The following RAC2 variants were observed in gnomAD, a reference collection of about 807,000 sequenced individuals.
RAC2 encodes the protein Rac family small GTPase 2, also known as ras-related C3 botulinum toxin substrate 2.
A neutral mutation model predicts 24.0 loss-of-function variants in RAC2; 1 was observed. The ratio of observed to expected loss-of-function variants is 0.04; its 90% CI spans 0.01 to 0.20. RAC2 has a LOEUF of 0.20. RAC2 is among the 10% of genes least tolerant of loss of function. RAC2 has a pLI of 1.00. For missense variants in RAC2, 130 were observed against 259.1 expected, an observed-to-expected ratio of 0.50 and a Z score of 3.42; for synonymous variants, 114 against 106.8, an observed-to-expected ratio of 1.07 and a Z score of -0.41.
intron 2 of RAC2, among the ~76,000 whole-genome samples, chr22:37,237,321 G>A (rs1482121032): frequency 1.3e-5 from 2 of 152,110 alleles, no homozygotes; most frequent in African/African-American, 4.8e-5. Context: ...CATCAGCCAG[G>A]AGGGGAGGCC....
At chr22:37,229,622 T>C (rs1419689037) in intron 5 of RAC2, among the ~76,000 whole-genome samples, 1 of 152,144 alleles carries the variant, frequency 6.6e-6, no homozygotes, top group Non-Finnish European at 1.5e-5. Flanking sequence ...TCACTATCCC[T>C]GCCAGTCCCC....
chr22:37,240,133 G>A (rs1199220561), intron 2 of RAC2, among the ~76,000 whole-genome samples: 1 of 152,200 alleles, frequency 6.6e-6, no homozygotes, highest in African/African-American at 2.4e-5. Flanking sequence ...GCAGCAGAGA[G>A]AGCCCAGCCC....
chr22:37,225,464 G>A lies in RAC2; in HGVS notation c.*578C>T, dbSNP rs1280013423. The A allele has an allele frequency of 2.6e-5, 4 of 152,230 alleles. No individual in the cohort carries two copies. Among genetic ancestry groups the A allele is most frequent in the Non-Finnish European group, 5.9e-5 (4 of 68,060 alleles). 9.4% of individuals were successfully genotyped at this position (152,230 alleles called of 1,614,324 possible). A position where few individuals can be genotyped will look rare whatever the true frequency, so the allele number is the denominator to read the frequency against. On this transcript the variant is annotated 3_prime_UTR_variant, in exon 7 of 7. Transcript: ENST00000249071. ...TGAACCCAGATTTTCCATTGGCTGA[G>A]CAGATATCCCCAGAGGCGTAGAAAA...
At chr22:37,242,656 AC>A (rs1216161286) in intron 1 of RAC2, among the ~76,000 whole-genome samples, 1 of 152,166 alleles carries the variant, frequency 6.6e-6, no homozygotes, top group Non-Finnish European at 1.5e-5. Context: ...TGGAACGTTA[AC>A]CCTTGACTTC....
intron 2 of RAC2, among the ~76,000 whole-genome samples, 168 bp downstream of exon 2, chr22:37,241,419 C>A (rs550356688): frequency 6.6e-6 from 1 of 152,348 alleles, no homozygotes; most frequent in South Asian, 2.1e-4. Context: ...CCCAGCACCT[C>A]TCAGCGCCAG....
chr22:37,226,736 G>T lies in RAC2; in HGVS notation c.516C>A (p.Ala172=). 6.2e-7 allele frequency: 1 copy of T among 1,613,160 alleles called. No individual in the cohort carries two copies. Among genetic ancestry groups the T allele is most frequent in the Non-Finnish European group, 8.5e-7 (1 of 1,179,582 alleles). The change falls in exon 6 of 7, where the codon GCC becomes GCA. Residue 172 remains alanine, a synonymous_variant. Coordinates refer to ENST00000249071, the MANE Select transcript of RAC2 (RefSeq NM_002872.5). The part of the protein sequence containing the change: ...QRGLKTVFDE[A]IRAVLCPQPT... ...GCTGAGGGCACAGCACGGCCCGGAT[G>T]GCCTCGTCGAACACGGTTTTCAGGC...
At chr22:37,236,546 G>A (rs1927228040) in intron 2 of RAC2, among the ~76,000 whole-genome samples, 2 of 152,336 alleles carry the variant, frequency 1.3e-5, no homozygotes, top group Admixed American at 6.5e-5. Context: ...AAGCATCGCT[G>A]CTATTTCATG....
At position 37,226,957 on chromosome 22, in the gene RAC2, C is replaced by T. The variant is rs575519167; in HGVS notation, c.449-154G>A. ...CCATACACCCTCCCGTGCCATACAC[C>T]CCTCCCACGCCATACACCCCTCCCA... is the stretch of plus-strand genomic sequence containing the variant. On this transcript the variant is annotated intron_variant, in intron 5 of 6. Coordinates refer to ENST00000249071, the MANE Select transcript of RAC2 (RefSeq NM_002872.5). 2.9e-5 allele frequency among the ~76,000 whole-genome samples: 4 copies of T among 139,822 alleles called. No individual in the cohort carries two copies. In the East Asian group the frequency reaches 8.6e-4, roughly 30 times the overall value. The allele number at this position is 139,822 out of a possible 152,430, so 91.7% of individuals were successfully genotyped here. A position where few individuals can be genotyped will look rare whatever the true frequency, so the allele number is the denominator to read the frequency against.
chr22:37,236,929 G>A (rs1927242075), intron 2 of RAC2, among the ~76,000 whole-genome samples: 2 of 152,174 alleles, frequency 1.3e-5, no homozygotes, highest in Admixed American at 1.3e-4. Context: ...GGTGGCTCAC[G>A]CCTGTAATCC....
chr22:37,239,119 C>G (rs1224618405), intron 2 of RAC2, among the ~76,000 whole-genome samples: 10 of 152,132 alleles, frequency 6.6e-5, no homozygotes. Flanking sequence ...ACTATTTTAC[C>G]CTCCCTTCAC....
At chr22:37,229,186 G>A (rs1377026166) in intron 5 of RAC2, among the ~76,000 whole-genome samples, 1 of 152,184 alleles carries the variant, frequency 6.6e-6, no homozygotes, top group Non-Finnish European at 1.5e-5. Flanking sequence ...ACTTTAGTCA[G>A]TTCCCCCTCT....
intron 1 of RAC2, among the ~76,000 whole-genome samples, chr22:37,242,243 T>G (rs1927421356): frequency 6.6e-6 from 1 of 151,992 alleles, no homozygotes; most frequent in Non-Finnish European, 1.5e-5. Flanking sequence ...CCCTCTCACC[T>G]CCCCCGTGGA....
At chr22:37,235,759 C>T (rs1311847008) in intron 2 of RAC2, among the ~76,000 whole-genome samples, 1 of 152,236 alleles carries the variant, frequency 6.6e-6, no homozygotes, top group Non-Finnish European at 1.5e-5. Flanking sequence ...TGGACACTCT[C>T]TCCTCTAATG....
chr22:37,234,169 G>A (rs752331255), intron 2 of RAC2, among the ~76,000 whole-genome samples: 9 of 152,238 alleles, frequency 5.9e-5, no homozygotes, highest in Non-Finnish European at 1.0e-4. Flanking sequence ...GCCTGATCCT[G>A]CCCCCACAGC....
At chr22:37,233,970 G>C (rs936312370) in intron 2 of RAC2, among the ~76,000 whole-genome samples, 3 of 152,218 alleles carry the variant, frequency 2.0e-5, no homozygotes, top group African/African-American at 7.2e-5. Flanking sequence ...CCATGGGAAG[G>C]GCCACGGCAA....
intron 2 of RAC2, among the ~76,000 whole-genome samples, chr22:37,239,684 T>C (rs1409106348): frequency 6.6e-6 from 1 of 152,184 alleles, no homozygotes; most frequent in Non-Finnish European, 1.5e-5. Context: ...GGGAAGTGAT[T>C]GGTCCAAGGT....
chr22:37,231,420 T>A lies in RAC2; in HGVS notation c.289-30A>T, dbSNP rs1217067888. 6.2e-7 allele frequency: 1 copy of A among 1,611,504 alleles called. No homozygotes were observed. The highest frequency in any genetic ancestry group is 1.1e-5 in the South Asian group (1 of 91,000). On this transcript the variant is annotated intron_variant, in intron 4 of 6. Transcript: ENST00000249071. This position sits in a 1 kb window ranked among gnomAD's most constrained non-coding sequence, Gnocchi z 5.5. ...GCAGGTGGGTGGGGGGACACAAGGTTGTATGGGTCAAGAGGGGGCGCGAGG... is the reference window on the plus strand; with the variant it reads ...GCAGGTGGGTGGGGGGACACAAGGTAGTATGGGTCAAGAGGGGGCGCGAGG...
intron 5 of RAC2, among the ~76,000 whole-genome samples, chr22:37,230,120 C>T (rs1175606577): frequency 6.6e-6 from 1 of 151,996 alleles, no homozygotes; most frequent in Non-Finnish European, 1.5e-5. Context: ...GGGAAGGGAG[C>T]CAGGGTGTGA....
chr22:37,230,162 TGTGTCACCACGCTAGTCACA>T (rs1927013163), intron 5 of RAC2, among the ~76,000 whole-genome samples: 1 of 151,910 alleles, frequency 6.6e-6, no homozygotes, highest in Admixed American at 6.6e-5. Context: ...GGAAGATGGC[TGTGTCACCACGCTAGTCACA>T]GAAGGAGGGA....
Sources: allele counts gnomAD v4.1 joint callset (sites outside exome capture counted in the v4.1 genomes callset), GRCh38; gene constraint gnomAD v4.1.1; non-coding constraint Gnocchi (gnomAD v3.1); transcripts MANE v1.5; gene names NCBI Gene and HGNC (gene_info 2026-07-23, HGNC 2026-07-21).